SLC29A4: variants seen among roughly 807,000 people sequenced by gnomAD.
SLC29A4 encodes solute carrier family 29 member 4.
Under a neutral mutation model 43.9 loss-of-function variants are expected in SLC29A4, and 36 were observed. The ratio of observed to expected loss-of-function variants is 0.82; its 90% confidence interval spans 0.63 to 1.08. The LOEUF is 1.08. SLC29A4 is among the 50% of genes least tolerant of loss of function. The pLI is 0.00. For missense variants in SLC29A4, 869 were observed against 755.3 expected, an observed-to-expected ratio of 1.15 and a Z score of -1.77; for synonymous variants, 491 against 338.0, an observed-to-expected ratio of 1.45 and a Z score of -4.97.
chr7:5,299,681 A>AGGG (rs1785994629), intron 9 of SLC29A4, among the ~76,000 whole-genome samples: 1 of 151,966 alleles, frequency 6.6e-6, no homozygotes, highest in Non-Finnish European at 1.5e-5. Flanking sequence ...TCGCCTCACG[A>AGGG]TCACAGGTCC....
chr7:5,292,924 C>G (rs1327964781), intron 5 of SLC29A4, among the ~76,000 whole-genome samples: 1 of 151,440 alleles, frequency 6.6e-6, no homozygotes, highest in Non-Finnish European at 1.5e-5. Flanking sequence ...ATTACGAACT[C>G]CTGACCTCAG....
In SLC29A4 at chr7:5,299,013, C is replaced by T. The variant is rs141514048; in HGVS notation, c.908C>T (p.Pro303Leu). 151 of 1,611,032 alleles carry T rather than the reference C, an allele frequency of 9.4e-5. No individual in the cohort carries two copies. In the East Asian group the frequency reaches 1.2e-3, roughly 13 times the overall value. ...HFEHPAPALA[P>L]NESPKDSPAH... ...GAGCACCCAGCCCCGGCCCTGGCCC[C>T]CAACGAGTCCCCAAAGGACAGCCCA... is the stretch of plus-strand genomic sequence containing the variant. Residue 303 changes from proline (P) to leucine (L), a missense_variant, in exon 8 of 11, where the codon CCC becomes CTC. Physicochemically the swap from Pro to Leu is moderately conservative, Grantham distance 98. Coordinates refer to ENST00000396872, the MANE Select transcript of SLC29A4 (RefSeq NM_153247.4).
At chr7:5,298,186 A>G (rs573945080) in intron 7 of SLC29A4, among the ~76,000 whole-genome samples, 2 of 152,228 alleles carry the variant, frequency 1.3e-5, no homozygotes, top group African/African-American at 4.8e-5. Context: ...TGAGCCAGAA[A>G]CACCATCCCC....
intron 6 of SLC29A4, among the ~76,000 whole-genome samples, chr7:5,295,550 C>G (rs975328141): frequency 6.6e-6 from 1 of 152,272 alleles, no homozygotes. Context: ...AGGGGCAGCA[C>G]TGGCCCCGGG....
chr7:5,302,032 C>T (rs1309426857), intron 10 of SLC29A4, among the ~76,000 whole-genome samples: 3 of 152,266 alleles, frequency 2.0e-5, no homozygotes, highest in African/African-American at 4.8e-5. Context: ...CTCACTGCAA[C>T]CTCTGCCTCG....
At position 5,306,319 on chromosome 7, in the gene SLC29A4, C is replaced by G. The variant is rs181911198; in HGVS notation, c.*3380C>G. On this transcript the variant is annotated 3_prime_UTR_variant, in exon 11 of 11. Coordinates refer to ENST00000396872, the MANE Select transcript of SLC29A4 (RefSeq NM_153247.4). ...CTGTGATTTTCCCACCTCAGCCTCC[C>G]GAGTAGCTGGGATTACAGGTGTGGG... is the stretch of plus-strand genomic sequence containing the variant. 5 of 150,528 alleles carry G rather than the reference C, an allele frequency of 3.3e-5. No individual in the cohort carries two copies. In the South Asian group the frequency reaches 6.3e-4, roughly 19 times the overall value. The allele number at this position is 150,528 out of a possible 1,614,324, so 9.3% of individuals were successfully genotyped here.
At chr7:5,298,102 G>C (rs1027066795) in intron 7 of SLC29A4, among the ~76,000 whole-genome samples, 1 of 152,202 alleles carries the variant, frequency 6.6e-6, no homozygotes, top group Non-Finnish European at 1.5e-5. Context: ...TCGTTCCTGA[G>C]GGTCGGGAAC....
chr7:5,296,146 G>A (rs1038662750), intron 6 of SLC29A4, among the ~76,000 whole-genome samples: 1 of 152,062 alleles, frequency 6.6e-6, no homozygotes, highest in Non-Finnish European at 1.5e-5. Context: ...CTGCACTCCC[G>A]GCCCTGTCCT....
In SLC29A4 at chr7:5,302,813, G is replaced by A. The variant is rs1406600740; in HGVS notation, c.1467G>A (p.Val489=). ...TGTCCACAGGGAACACCATGACCGT[G>A]TCCTACATGTCAGGGCTGACGCTGG... ...QRELAGNTMT[V]SYMSGLTLGS... Residue 489 remains valine (V), a synonymous_variant, in exon 11 of 11, where the codon GTG becomes GTA. Transcript: ENST00000396872. The A allele has an allele frequency of 7.0e-6, 11 of 1,563,572 alleles. No homozygotes were observed. The highest frequency in any genetic ancestry group is 9.5e-6 in the Non-Finnish European group (11 of 1,154,138).
At chr7:5,293,480 A>G (rs148270705) in intron 5 of SLC29A4, among the ~76,000 whole-genome samples, 172 of 152,246 alleles carry the variant, frequency 1.1e-3, no homozygotes, top group Middle Eastern at 6.8e-3. Context: ...AGCTTGGTAG[A>G]CTTTCAAACT....
intron 1 of SLC29A4, among the ~76,000 whole-genome samples, chr7:5,283,553 C>G (rs1393821435): frequency 6.6e-6 from 1 of 152,132 alleles, no homozygotes; most frequent in Non-Finnish European, 1.5e-5. Context: ...CTGATGAGGC[C>G]GGACAGGCGG....
Position 5,303,018 on chromosome 7 carries a change from C to T in SLC29A4, c.*79C>T. The T allele has an allele frequency of 1.3e-6, 2 of 1,498,828 alleles. No homozygotes were observed. The highest frequency in any genetic ancestry group is 2.4e-4 in the Middle Eastern group (1 of 4,202). The allele number at this position is 1,498,828 out of a possible 1,614,324, so 92.8% of individuals were successfully genotyped here. A position where few individuals can be genotyped will look rare whatever the true frequency, so the allele number is the denominator to read the frequency against. On this transcript the variant is annotated 3_prime_UTR_variant, in exon 11 of 11. Transcript: ENST00000396872. ...CCTGAGGGCCCCTCCCCTGTCCCCACCTCAGTGCCTGCGGGGCCCTGAGCC... is the reference window on the plus strand; with the variant it reads ...CCTGAGGGCCCCTCCCCTGTCCCCATCTCAGTGCCTGCGGGGCCCTGAGCC...
At chr7:5,292,023 G>C (rs1341602108) in intron 5 of SLC29A4, among the ~76,000 whole-genome samples, 1 of 152,248 alleles carries the variant, frequency 6.6e-6, no homozygotes, top group Non-Finnish European at 1.5e-5. Flanking sequence ...TGTGTGCGCA[G>C]CGTGTAGCCA....
Position 5,302,951 on chromosome 7 carries a change from C to T in SLC29A4, c.*12C>T, listed in dbSNP as rs1786276675. 6.2e-7 allele frequency: 1 copy of T among 1,603,256 alleles called. No individual in the cohort carries two copies. Among genetic ancestry groups the T allele is most frequent in the African/African-American group, 1.3e-5 (1 of 74,748 alleles). ...TCGCAGGCCTCTGAGCCAGCCCCGC[C>T]CACTGCCAGGGACGCCGAGGGCCTG... On this transcript the variant is annotated 3_prime_UTR_variant, in exon 11 of 11. Transcript: ENST00000396872.
chr7:5,296,519 G>C (rs1225089026), intron 6 of SLC29A4, among the ~76,000 whole-genome samples: 1 of 110,416 alleles, frequency 9.1e-6, no homozygotes, highest in East Asian at 2.5e-4. Context: ...AGGGGGTGGG[G>C]CTGGGAAGGG....
intron 1 of SLC29A4, among the ~76,000 whole-genome samples, chr7:5,287,433 GA>G (rs527760734): frequency 6.8e-6 from 1 of 147,340 alleles, no homozygotes; most frequent in East Asian, 2.0e-4. Flanking sequence ...AAAAAAAAAA[GA>G]AAAAAAAGAC....
At chr7:5,290,019 G>A (rs765327676) in intron 2 of SLC29A4, among the ~76,000 whole-genome samples, 29 of 150,614 alleles carry the variant, frequency 1.9e-4, no homozygotes, top group Non-Finnish European at 2.8e-4. Context: ...CTGAGTAGCT[G>A]GAAATATAGG....
At chr7:5,290,190 A>G (rs537435347) in intron 2 of SLC29A4, among the ~76,000 whole-genome samples, 1 of 151,698 alleles carries the variant, frequency 6.6e-6, no homozygotes, top group East Asian at 1.9e-4. Flanking sequence ...AGTAGCTGGG[A>G]CTACAGGCGC....
At position 5,299,200 on chromosome 7, in the gene SLC29A4, C is replaced by T. The variant is rs1264588485; in HGVS notation, c.1022-40C>T. Reference sequence around the variant, plus strand: ...GGGTGGGGGAGGCAGGCAGGGGTCCCCGTGGGCGCTGCCTCTGACCCCCGC... The same window carrying T: ...GGGTGGGGGAGGCAGGCAGGGGTCCTCGTGGGCGCTGCCTCTGACCCCCGC... On this transcript the variant is annotated intron_variant, in intron 8 of 10. Transcript: ENST00000396872. The T allele has an allele frequency of 3.1e-6, 5 of 1,599,340 alleles. No individual in the cohort carries two copies. The African/African-American group carries it at 4.0e-5, about 13-fold the overall frequency.
Sources: gnomAD v4.1 joint callset for allele counts (sites outside exome capture counted in the v4.1 genomes callset) on GRCh38, gnomAD v4.1.1 for gene constraint, MANE v1.5 for transcripts, NCBI Gene and HGNC (gene_info 2026-07-23, HGNC 2026-07-21) for gene names.